JAK1: variants seen among roughly 807,000 people sequenced by gnomAD.
JAK1 encodes the protein Janus kinase 1.
Under a neutral mutation model 136.6 loss-of-function variants are expected in JAK1, and 16 were observed. That is an observed-to-expected ratio of 0.12 (90% CI 0.08 to 0.18). The LOEUF is 0.18. Among genes scored for constraint, JAK1 ranks in the 10% least tolerant of loss-of-function variants. The probability of loss-of-function intolerance (pLI) is 1.00; values close to 1 mark genes in which losing one functional copy is unlikely to be tolerated. For synonymous variants in JAK1, 492 were observed against 519.5 expected, an observed-to-expected ratio of 0.95 and a Z score of 0.72; for missense variants, 859 against 1,450.1, an observed-to-expected ratio of 0.59 and a Z score of 6.62.
At chr1:64,900,018 C>T (rs866683954) in intron 1 of JAK1, among the ~76,000 whole-genome samples, 28 of 152,270 alleles carry the variant, frequency 1.8e-4, no homozygotes, top group African/African-American at 5.3e-4. Context: ...TCATTTTGCA[C>T]ACTTTTAGAG....
Position 65,001,668 on chromosome 1 carries a change from A to AGT in JAK1, c.-78+42810_-78+42811dup, listed in dbSNP as rs200851168. 4.1e-5 allele frequency among the ~76,000 whole-genome samples: 4 copies of AGT among 97,550 alleles called. No homozygotes were observed. In the East Asian group the frequency reaches 1.0e-3, roughly 25 times the overall value. 64.0% of individuals were successfully genotyped at this position (97,550 alleles called of 152,430 possible). A position where few individuals can be genotyped will look rare whatever the true frequency, so the allele number is the denominator to read the frequency against. ...TTGTATGTGTGTTTGAGAGGTAGAA[A>AGT]GTGTGTGTGTGGGGGGGGGGGTATG... On this transcript the variant is annotated intron_variant, in intron 2 of 25. Transcript: ENST00000671954.
chr1:64,877,879 C>T (rs72675457), intron 4 of JAK1, among the ~76,000 whole-genome samples: 8,018 of 152,214 alleles, frequency 0.053, 334 homozygotes, highest in Admixed American at 0.14. Flanking sequence ...GAAATCTCCA[C>T]GGCACACAGC....
chr1:64,883,835 A>G (rs1644812558), intron 2 of JAK1, among the ~76,000 whole-genome samples: 1 of 152,248 alleles, frequency 6.6e-6, no homozygotes, highest in African/African-American at 2.4e-5. Context: ...GGAACCAACA[A>G]TGTTAAAGGA....
At chr1:64,945,857 T>C (rs1347746854) in intron 1 of JAK1, among the ~76,000 whole-genome samples, 1 of 151,982 alleles carries the variant, frequency 6.6e-6, no homozygotes, top group Non-Finnish European at 1.5e-5. Flanking sequence ...GCCTCCTGAG[T>C]AGCTGGGATA....
Position 64,867,066 on chromosome 1 carries a change from G to A in JAK1, c.790C>T (p.His264Tyr), listed in dbSNP as rs757366573. 1.9e-6 allele frequency: 3 copies of A among 1,614,228 alleles called. No homozygotes were observed. The highest frequency in any genetic ancestry group is 3.3e-5 in the Admixed American group (2 of 60,036). ...GCCAAGTATTTCACCTTCAGGTCATGCGTGGACACGCTGCTGTCACAAATG... is the reference window on the plus strand; with the variant it reads ...GCCAAGTATTTCACCTTCAGGTCATACGTGGACACGCTGCTGTCACAAATG... ...KTICDSSVST[H>Y]DLKVKYLATL... The change falls in exon 7 of 25, where the codon CAT (histidine) becomes TAT (tyrosine). Residue 264 changes from histidine (H) to tyrosine (Y), a missense_variant. Physicochemically the swap from His to Tyr is moderately conservative, Grantham distance 83. Coordinates refer to ENST00000342505, the MANE Select transcript of JAK1 (RefSeq NM_002227.4).
intron 1 of JAK1, among the ~76,000 whole-genome samples, chr1:64,953,884 A>G (rs1265280897): frequency 6.6e-6 from 1 of 152,076 alleles, no homozygotes; most frequent in Non-Finnish European, 1.5e-5. Context: ...TGTGTTGGCC[A>G]GGCTGGTCTT....
intron 2 of JAK1, among the ~76,000 whole-genome samples, chr1:64,977,186 G>A (rs960468541): frequency 6.6e-6 from 1 of 151,902 alleles, no homozygotes; most frequent in East Asian, 1.9e-4. Context: ...ATCTCCCTCT[G>A]TCGCCCAAGC....
chr1:64,975,926 C>G (rs1646494426), intron 2 of JAK1, among the ~76,000 whole-genome samples: 1 of 152,136 alleles, frequency 6.6e-6, no homozygotes, highest in African/African-American at 2.4e-5. Context: ...TCAAAGTGCC[C>G]TGGTGGCAGC....
chr1:64,932,078 G>A (rs922167632), intron 1 of JAK1, among the ~76,000 whole-genome samples: 2 of 151,206 alleles, frequency 1.3e-5, no homozygotes, highest in Admixed American at 6.6e-5. Flanking sequence ...CTCATTTAAC[G>A]CTCATACCAA....
At chr1:64,991,189 T>C (rs1304827680) in intron 2 of JAK1, 1 of 152,180 alleles carries the variant, frequency 6.6e-6, no homozygotes, top group Admixed American at 6.5e-5. Flanking sequence ...AGTAGTAGAA[T>C]AACTGAAATG....
chr1:64,964,773 A>C (rs1646342697), intron 1 of JAK1, among the ~76,000 whole-genome samples: 1 of 152,226 alleles, frequency 6.6e-6, no homozygotes, highest in Non-Finnish European at 1.5e-5. Flanking sequence ...TATAATGTCC[A>C]AAGTCATTCC....
chr1:64,968,087 C>T (rs1646413733), upstream of JAK1, among the ~76,000 whole-genome samples: 1 of 152,024 alleles, frequency 6.6e-6, no homozygotes, highest in African/African-American at 2.4e-5. Flanking sequence ...ACAGGTGAGA[C>T]TGACATGAAG....
rs773254589 is a variant in JAK1, at chr1:65,012,828, T to TC, written c.-78+31651dup. On this transcript the variant is annotated intron_variant, in intron 2 of 25. Coordinates refer to the JAK1 transcript ENST00000671954. ...AAAAAAAAAGGCCAGGCACGGTGGC[T>TC]CACACCTGTAATCCCAGCACTTGGG... is the stretch of plus-strand genomic sequence containing the variant. Among the ~76,000 whole-genome samples, 16 of 148,842 alleles carry TC rather than the reference T, an allele frequency of 1.1e-4. 1 individual carries two copies. Among genetic ancestry groups the TC allele is most frequent in the Admixed American group, 3.4e-4 (5 of 14,914 alleles).
intron 6 of JAK1, among the ~76,000 whole-genome samples, chr1:64,867,454 T>C (rs1373577789): frequency 6.6e-6 from 1 of 152,232 alleles, no homozygotes. Context: ...TTGCTACAAG[T>C]ATTGCCCAAT....
intron 2 of JAK1, among the ~76,000 whole-genome samples, chr1:64,885,400 A>C (rs554687513): frequency 6.6e-6 from 1 of 152,354 alleles, no homozygotes; most frequent in South Asian, 2.1e-4. Context: ...TCTAACTCTA[A>C]GGAAATAAAC....
chr1:65,009,615 T>A (rs1646832278), intron 2 of JAK1, among the ~76,000 whole-genome samples: 1 of 152,214 alleles, frequency 6.6e-6, no homozygotes, highest in Non-Finnish European at 1.5e-5. Context: ...ATTTCTGAAG[T>A]GGCTTGCAGT....
chr1:64,942,231 T>C (rs1347523042), intron 1 of JAK1: 2 of 152,162 alleles, frequency 1.3e-5, no homozygotes, highest in South Asian at 4.1e-4. Context: ...ATATACTTCG[T>C]GTGGGAATTT....
chr1:65,047,413 T>C (rs765828695), intron 1 of JAK1, among the ~76,000 whole-genome samples: 1 of 152,204 alleles, frequency 6.6e-6, no homozygotes, highest in South Asian at 2.1e-4. Flanking sequence ...TAGGGACTTA[T>C]CTCATAACTA....
chr1:64,937,106 A>C (rs556173554), intron 1 of JAK1, among the ~76,000 whole-genome samples: 1 of 151,014 alleles, frequency 6.6e-6, no homozygotes, highest in East Asian at 1.9e-4. Context: ...GGTCTACAGG[A>C]CCTCATGTAG....
Sources: gnomAD v4.1 joint callset for allele counts (sites outside exome capture counted in the v4.1 genomes callset) on GRCh38, gnomAD v4.1.1 for gene constraint, MANE v1.5 for transcripts, NCBI Gene and HGNC (gene_info 2026-07-23, HGNC 2026-07-21) for gene names.